ARB2A: variants seen among roughly 807,000 people sequenced by gnomAD.
The protein encoded by ARB2A is cotranscriptional regulator ARB2A.
the ARB2A span, among the ~76,000 whole-genome samples, chr5:93,697,430 A>C: frequency 6.6e-6 from 1 of 152,212 alleles, no homozygotes; most frequent in Non-Finnish European, 1.5e-5. Flanking sequence ...AAATAGTTAA[A>C]TAATCTTACA....
chr5:93,724,064 CAT>C, the ARB2A span, among the ~76,000 whole-genome samples: 2 of 151,744 alleles, frequency 1.3e-5, no homozygotes, highest in African/African-American at 4.8e-5. Context: ...TTGAATGAAA[CAT>C]AAGATTTCTT....
the ARB2A span, among the ~76,000 whole-genome samples, chr5:93,939,338 C>T: frequency 6.6e-6 from 1 of 152,024 alleles, no homozygotes; most frequent in Non-Finnish European, 1.5e-5. Context: ...TTATTTAACA[C>T]CCTATGTTCA....
At chr5:93,938,945 A>G in the ARB2A span, among the ~76,000 whole-genome samples, 1 of 152,192 alleles carries the variant, frequency 6.6e-6, no homozygotes, top group African/African-American at 2.4e-5. Context: ...TAATGAAAAG[A>G]CAATTTCTTA....
chr5:93,842,881 A>C, the ARB2A span, among the ~76,000 whole-genome samples: 32 of 152,336 alleles, frequency 2.1e-4, no homozygotes, highest in African/African-American at 7.2e-4. Flanking sequence ...CATCAGCTTC[A>C]TAAGAAAAAA....
chr5:94,078,791 A>G, the ARB2A span, among the ~76,000 whole-genome samples: 4 of 152,028 alleles, frequency 2.6e-5, no homozygotes, highest in South Asian at 8.3e-4. Context: ...CAGTTCCACC[A>G]TCTAGTAGCT....
At chr5:94,058,887 T>A in the ARB2A span, among the ~76,000 whole-genome samples, 1 of 152,086 alleles carries the variant, frequency 6.6e-6, no homozygotes, top group Non-Finnish European at 1.5e-5. Flanking sequence ...ATGGAAATAA[T>A]TTCTCACTCT....
chr5:94,050,561 T>C, the ARB2A span, among the ~76,000 whole-genome samples: 1 of 150,176 alleles, frequency 6.7e-6, no homozygotes, highest in East Asian at 1.9e-4. Context: ...ACTTTTAAAC[T>C]GAGAATATGC....
chr5:93,760,687 T>C, the ARB2A span, among the ~76,000 whole-genome samples: 2 of 152,168 alleles, frequency 1.3e-5, no homozygotes, highest in Non-Finnish European at 2.9e-5. Flanking sequence ...GCTGGGATAA[T>C]TGGCTAGCCA....
chr5:94,041,136 C>T, the ARB2A span, among the ~76,000 whole-genome samples: 4 of 151,716 alleles, frequency 2.6e-5, no homozygotes, highest in Admixed American at 6.6e-5. Context: ...GTTGAATAAA[C>T]GGTAAAAATC....
At chr5:94,011,473 C>T in the ARB2A span, among the ~76,000 whole-genome samples, 35 of 152,060 alleles carry the variant, frequency 2.3e-4, 1 homozygote, top group Non-Finnish European at 2.9e-5. Context: ...CTCTCGGTAC[C>T]TAGAATACTG....
At chr5:93,958,918 A>G in the ARB2A span, 1 of 1,607,336 alleles carries the variant, frequency 6.2e-7, no homozygotes, top group African/African-American at 1.3e-5. Flanking sequence ...TTGTCAAAGC[A>G]TCCTCACTCA....
the ARB2A span, among the ~76,000 whole-genome samples, chr5:93,980,927 T>A: frequency 6.6e-6 from 1 of 152,154 alleles, no homozygotes; most frequent in South Asian, 2.1e-4. Context: ...GTCATATTTT[T>A]AAAAATAAGC....
At chr5:94,104,200 T>C in the ARB2A span, among the ~76,000 whole-genome samples, 1 of 149,880 alleles carries the variant, frequency 6.7e-6, no homozygotes, top group African/African-American at 2.4e-5. Flanking sequence ...ATACAAAAGG[T>C]CAATGAAACC....
chr5:93,880,093 T>C, the ARB2A span, among the ~76,000 whole-genome samples: 2 of 151,850 alleles, frequency 1.3e-5, no homozygotes, highest in East Asian at 1.9e-4. Flanking sequence ...AAGCTACTTA[T>C]TGCTTCTAAA....
the ARB2A span, among the ~76,000 whole-genome samples, chr5:93,755,676 C>G: frequency 0.19 from 28,175 of 152,188 alleles, 3,410 homozygotes; most frequent in Non-Finnish European, 0.26. Context: ...CTGGGTCAAT[C>G]TGGAGAGCCG....
chr5:93,772,825 G>A, the ARB2A span, among the ~76,000 whole-genome samples: 290 of 152,296 alleles, frequency 1.9e-3, no homozygotes, highest in Middle Eastern at 0.014. Context: ...CTGGCAGCTG[G>A]TTTCCATCAC....
the ARB2A span, among the ~76,000 whole-genome samples, chr5:93,939,752 T>G: frequency 6.6e-6 from 1 of 152,236 alleles, no homozygotes; most frequent in East Asian, 1.9e-4. Flanking sequence ...TAGTTTTCAT[T>G]TATAAAATAA....
the ARB2A span, chr5:93,621,231 C>T: frequency 2.1e-6 from 2 of 944,564 alleles, no homozygotes; most frequent in Non-Finnish European, 2.7e-6. Flanking sequence ...CCACCCGGTC[C>T]CGCCCCTCCC....
the ARB2A span, among the ~76,000 whole-genome samples, chr5:93,688,601 A>G: frequency 6.6e-6 from 1 of 152,126 alleles, no homozygotes; most frequent in Non-Finnish European, 1.5e-5. Context: ...GTTTATTTAT[A>G]TAATAATCTC....
Sources: gnomAD v4.1 joint callset for allele counts (sites outside exome capture counted in the v4.1 genomes callset) on GRCh38, gnomAD v4.1.1 for gene constraint, MANE v1.5 for transcripts, NCBI Gene and HGNC (gene_info 2026-07-23, HGNC 2026-07-21) for gene names.